The following COX7B2 variants were observed in gnomAD, a reference collection of about 807,000 sequenced individuals.
COX7B2 encodes cytochrome c oxidase subunit 7B2, mitochondrial.
For synonymous variants in COX7B2, 37 were observed against 32.1 expected, an observed-to-expected ratio of 1.15 and a Z score of -0.51; for missense variants, 109 against 95.9, an observed-to-expected ratio of 1.14 and a Z score of -0.57.
chr4:46,833,593 G>A (rs1376226142), intron 2 of COX7B2, among the ~76,000 whole-genome samples: 1 of 152,166 alleles, frequency 6.6e-6, no homozygotes, highest in East Asian at 1.9e-4. Flanking sequence ...AGTGTTTTAA[G>A]AGAGCAGAGG....
intron 1 of COX7B2, among the ~76,000 whole-genome samples, chr4:46,855,633 T>A (rs1335766530): frequency 6.6e-6 from 1 of 151,628 alleles, no homozygotes; most frequent in Non-Finnish European, 1.5e-5. Context: ...CAAAAAAAAC[T>A]AAAAAAAAGC....
chr4:46,847,369 C>T (rs1176315609), intron 1 of COX7B2, among the ~76,000 whole-genome samples: 2 of 152,056 alleles, frequency 1.3e-5, no homozygotes, highest in Admixed American at 6.6e-5. Flanking sequence ...AGGCCTTCAG[C>T]CTCCAGCCAA....
chr4:46,881,901 G>A (rs918776482), intron 1 of COX7B2, among the ~76,000 whole-genome samples: 4 of 152,032 alleles, frequency 2.6e-5, no homozygotes, highest in African/African-American at 9.7e-5. Context: ...CTGTTAACCT[G>A]AGGTCTTTCT....
intron 2 of COX7B2, among the ~76,000 whole-genome samples, chr4:46,772,503 G>C (rs905740496): frequency 2.0e-5 from 3 of 152,014 alleles, no homozygotes; most frequent in African/African-American, 7.2e-5. Flanking sequence ...TTTGATGGTA[G>C]TAATTATTTC....
At chr4:46,903,227 T>G (rs1445487638) in intron 1 of COX7B2, among the ~76,000 whole-genome samples, 1 of 152,158 alleles carries the variant, frequency 6.6e-6, no homozygotes, top group African/African-American at 2.4e-5. Context: ...GAGCTACACC[T>G]TGAAAATGTT....
chr4:46,848,491 C>G (rs1472444415), intron 1 of COX7B2, among the ~76,000 whole-genome samples: 1 of 151,960 alleles, frequency 6.6e-6, no homozygotes, highest in East Asian at 1.9e-4. Context: ...TGTACAAAAA[C>G]TGTTTTATGC....
chr4:46,822,388 A>T (rs955027781), intron 2 of COX7B2, among the ~76,000 whole-genome samples: 1 of 152,130 alleles, frequency 6.6e-6, no homozygotes, highest in African/African-American at 2.4e-5. Flanking sequence ...GATAAAAAAA[A>T]AAATAATATA....
chr4:46,796,253 G>T (rs1420749215), intron 2 of COX7B2, among the ~76,000 whole-genome samples: 4 of 148,630 alleles, frequency 2.7e-5, no homozygotes, highest in African/African-American at 1.0e-4. Context: ...TAGGAGCGGT[G>T]AGAGAGGGCA....
chr4:46,881,499 A>G (rs1250881581), intron 1 of COX7B2, among the ~76,000 whole-genome samples: 4 of 152,308 alleles, frequency 2.6e-5, no homozygotes, highest in African/African-American at 9.6e-5. Context: ...ATGGTGGCTT[A>G]CGCCTGTAAT....
intron 2 of COX7B2, among the ~76,000 whole-genome samples, chr4:46,808,540 G>C (rs1408544430): frequency 2.0e-5 from 3 of 151,604 alleles, no homozygotes. Context: ...TTGTTTTGTT[G>C]TCTGATTGTT....
intron 2 of COX7B2, among the ~76,000 whole-genome samples, chr4:46,819,960 G>A (rs1157626310): frequency 6.6e-6 from 1 of 152,166 alleles, no homozygotes; most frequent in Non-Finnish European, 1.5e-5. Flanking sequence ...ATTCCACCAA[G>A]CATTGCATCT....
intron 1 of COX7B2, among the ~76,000 whole-genome samples, chr4:46,897,342 T>A (rs1719823771): frequency 6.6e-6 from 1 of 152,100 alleles, no homozygotes; most frequent in Non-Finnish European, 1.5e-5. Context: ...CTCATCTATA[T>A]CCACATCAAA....
At chr4:46,811,182 G>A (rs1387273838) in intron 2 of COX7B2, among the ~76,000 whole-genome samples, 1 of 152,082 alleles carries the variant, frequency 6.6e-6, no homozygotes, top group African/African-American at 2.4e-5. Context: ...GGATCTGGAT[G>A]TCCATATCTC....
At chr4:46,876,787 G>C (rs1157209910) in intron 1 of COX7B2, 1 of 152,170 alleles carries the variant, frequency 6.6e-6, no homozygotes, top group Non-Finnish European at 1.5e-5. Context: ...GTTAAGATGA[G>C]AGAATTAAAA....
intron 2 of COX7B2, among the ~76,000 whole-genome samples, chr4:46,823,287 A>G (rs781105896): frequency 1.3e-5 from 2 of 151,460 alleles, no homozygotes; most frequent in Non-Finnish European, 2.9e-5. Flanking sequence ...TATATTATAT[A>G]TTATATTAGT....
chr4:46,799,574 G>A (rs73245864), intron 2 of COX7B2, among the ~76,000 whole-genome samples: 29,403 of 152,112 alleles, frequency 0.19, 3,196 homozygotes, highest in Middle Eastern at 0.26. Context: ...AAGGAATGTT[G>A]TACTTTATCA....
chr4:46,875,963 T>C (rs1483732469), intron 1 of COX7B2, among the ~76,000 whole-genome samples: 1 of 152,096 alleles, frequency 6.6e-6, no homozygotes, highest in Non-Finnish European at 1.5e-5. Context: ...AGTAATTCAG[T>C]GAAGTTTATA....
At chr4:46,773,953 C>A (rs74488664) in intron 2 of COX7B2, among the ~76,000 whole-genome samples, 2,853 of 152,122 alleles carry the variant, frequency 0.019, 99 homozygotes, top group African/African-American at 0.066. Flanking sequence ...CCTCCTAATT[C>A]CCTTGTTCCA....
rs1577640659 is a variant in COX7B2, at chr4:46,736,779, G to A, written c.-49-1538C>T. Among the ~76,000 whole-genome samples, 5 of 152,050 alleles carry A rather than the reference G, an allele frequency of 3.3e-5. No individual in the cohort carries two copies. The South Asian group carries it at 1.0e-3, about 32-fold the overall frequency. ...TTAAAGTTCATTCATATCTTTTTGT[G>A]GCTCGAGAGTGCATTTCTTTTTAGT... On this transcript the variant is annotated intron_variant, in intron 2 of 2. Transcript: ENST00000355591.
Sources: gnomAD v4.1 joint callset for allele counts (sites outside exome capture counted in the v4.1 genomes callset) on GRCh38, gnomAD v4.1.1 for gene constraint, MANE v1.5 for transcripts, NCBI Gene and HGNC (gene_info 2026-07-23, HGNC 2026-07-21) for gene names.